NRCAM: variants seen among roughly 807,000 people sequenced by gnomAD.
NRCAM encodes neuronal cell adhesion molecule, also known as NgCAM-related cell adhesion molecule.
A neutral mutation model predicts 156.5 loss-of-function variants in NRCAM; 83 were observed. The observed-to-expected ratio is 0.53, with a 90% CI of 0.44 to 0.64. The LOEUF (loss-of-function observed/expected upper bound fraction) is 0.64, where lower values mean the gene tolerates loss of function less well. Among genes scored for constraint, NRCAM ranks in the 30% least tolerant of loss-of-function variants. NRCAM has a pLI of 0.00. For missense variants in NRCAM, 1,417 were observed against 1,597.3 expected, an observed-to-expected ratio of 0.89 and a Z score of 1.92; for synonymous variants, 538 against 563.9, an observed-to-expected ratio of 0.95 and a Z score of 0.65.
At chr7:108,271,425 C>T (rs1475422475) in intron 3 of NRCAM, among the ~76,000 whole-genome samples, 8 of 152,112 alleles carry the variant, frequency 5.3e-5, no homozygotes, top group Admixed American at 1.3e-4. Flanking sequence ...TGACCAGGCA[C>T]GGTGGCTCAC....
chr7:108,388,069 T>C (rs570018286), intron 2 of NRCAM, among the ~76,000 whole-genome samples: 1 of 152,322 alleles, frequency 6.6e-6, no homozygotes, highest in East Asian at 1.9e-4. Context: ...TTTGGGTATA[T>C]ACCCAGTAAT....
intron 2 of NRCAM, among the ~76,000 whole-genome samples, chr7:108,337,289 A>T (rs2099207174): frequency 6.7e-6 from 1 of 149,944 alleles, no homozygotes; most frequent in Admixed American, 6.6e-5. Flanking sequence ...AACCACGGCT[A>T]CCCTCTTTGG....
At chr7:108,450,911 A>G (rs961956058) in intron 1 of NRCAM, among the ~76,000 whole-genome samples, 2 of 152,220 alleles carry the variant, frequency 1.3e-5, no homozygotes, top group African/African-American at 4.8e-5. Flanking sequence ...TATAGATATT[A>G]ATTTACAGCT....
intron 2 of NRCAM, among the ~76,000 whole-genome samples, chr7:108,371,464 T>G (rs945856161): frequency 6.6e-6 from 1 of 152,136 alleles, no homozygotes; most frequent in Non-Finnish European, 1.5e-5. Flanking sequence ...GGGCATGCTA[T>G]TGTACGTAAA....
At position 108,194,194 on chromosome 7, in the gene NRCAM, T is replaced by A. The variant is rs745864640; in HGVS notation, c.1631-23A>T. 1.1e-5 allele frequency: 17 copies of A among 1,612,564 alleles called. No homozygotes were observed. The Admixed American group carries it at 1.5e-4, about 14-fold the overall frequency. ...GATCTGAAATGTAGAGTCATCGTTA[T>A]CCATTTGGCAAAGCTGGAGAATTTG... On this transcript the variant is annotated intron_variant, in intron 16 of 32. Coordinates refer to ENST00000379028, the MANE Select transcript of NRCAM (RefSeq NM_001037132.4).
At chr7:108,263,299 T>C (rs1017299424) in intron 3 of NRCAM, among the ~76,000 whole-genome samples, 1 of 152,254 alleles carries the variant, frequency 6.6e-6, no homozygotes, top group African/African-American at 2.4e-5. Flanking sequence ...CTAGTGTTTT[T>C]TCTTTTTGTG....
At chr7:108,247,424 T>C (rs1001174768) in intron 3 of NRCAM, among the ~76,000 whole-genome samples, 1 of 152,164 alleles carries the variant, frequency 6.6e-6, no homozygotes, top group Non-Finnish European at 1.5e-5. Flanking sequence ...AAAACTAATC[T>C]ATCCTTTTTG....
At chr7:108,202,580 A>T (rs1009368285) in intron 13 of NRCAM, among the ~76,000 whole-genome samples, 1 of 152,200 alleles carries the variant, frequency 6.6e-6, no homozygotes, top group African/African-American at 2.4e-5. Flanking sequence ...GAGAAGAGTT[A>T]AATTTCCCTC....
chr7:108,413,333 G>GA (rs1378497591), intron 1 of NRCAM, among the ~76,000 whole-genome samples: 1 of 152,112 alleles, frequency 6.6e-6, no homozygotes, highest in Non-Finnish European at 1.5e-5. Flanking sequence ...GTCTTCTTCT[G>GA]AAAAATGTCT....
chr7:108,358,882 G>GT (rs2099527868), intron 2 of NRCAM, among the ~76,000 whole-genome samples: 1 of 152,212 alleles, frequency 6.6e-6, no homozygotes, highest in Non-Finnish European at 1.5e-5. Flanking sequence ...TTAAAGGGCT[G>GT]TAGCAGGGGA....
chr7:108,403,687 T>G (rs1203188090), intron 1 of NRCAM, among the ~76,000 whole-genome samples: 1 of 152,170 alleles, frequency 6.6e-6, no homozygotes, highest in Non-Finnish European at 1.5e-5. Flanking sequence ...AATGAGGCCA[T>G]AGTTGAGATA....
intron 24 of NRCAM, 92 bp from the exon 25 acceptor site, chr7:108,180,519 A>AT: frequency 9.8e-7 from 1 of 1,015,230 alleles, no homozygotes; most frequent in Non-Finnish European, 1.5e-6. Context: ...TTTCCAGAAA[A>AT]TTCCGTTGGT....
chr7:108,177,143 A>G (rs6970980), intron 26 of NRCAM, among the ~76,000 whole-genome samples: 3,996 of 152,272 alleles, frequency 0.026, 170 homozygotes, highest in African/African-American at 0.091. Context: ...ACTTGAAGTT[A>G]TATGTATATA....
At chr7:108,325,470 C>T (rs1215795916) in intron 2 of NRCAM, among the ~76,000 whole-genome samples, 2 of 151,680 alleles carry the variant, frequency 1.3e-5, no homozygotes, top group African/African-American at 4.8e-5. Flanking sequence ...GAGTTCCAAT[C>T]TGTTGCTTCA....
intron 3 of NRCAM, among the ~76,000 whole-genome samples, chr7:108,299,139 A>AGAGAGAGAGAGAGAGAGAGAG (rs2098534169): frequency 9.2e-6 from 1 of 108,736 alleles, no homozygotes; most frequent in African/African-American, 3.5e-5. Context: ...AGAAAGAAAG[A>AGAGAGAGAGAGAGAGAGAGAG]AAAGAAAAGT....
intron 1 of NRCAM, among the ~76,000 whole-genome samples, chr7:108,448,140 C>G (rs1333656785): frequency 1.3e-5 from 2 of 152,174 alleles, no homozygotes; most frequent in African/African-American, 4.8e-5. Context: ...AACCCCAGCA[C>G]ATCTATTAAA....
intron 2 of NRCAM, among the ~76,000 whole-genome samples, chr7:108,330,140 C>T (rs2099111898): frequency 6.6e-6 from 1 of 152,136 alleles, no homozygotes; most frequent in Non-Finnish European, 1.5e-5. Context: ...TCATTTCTTT[C>T]AAGTGCATTT....
chr7:108,238,163 T>A (rs887069377), intron 4 of NRCAM, among the ~76,000 whole-genome samples: 6 of 152,336 alleles, frequency 3.9e-5, no homozygotes, highest in South Asian at 4.1e-4. Context: ...TCTGGTCATA[T>A]TATCCCAGAC....
chr7:108,330,477 T>C (rs997746928), intron 2 of NRCAM, among the ~76,000 whole-genome samples: 3 of 152,158 alleles, frequency 2.0e-5, no homozygotes, highest in Admixed American at 1.3e-4. Flanking sequence ...ACACGAAATG[T>C]TTCTGCAGGC....
Sources: allele counts gnomAD v4.1 joint callset (sites outside exome capture counted in the v4.1 genomes callset), GRCh38; gene constraint gnomAD v4.1.1; transcripts MANE v1.5; gene names NCBI Gene and HGNC (gene_info 2026-07-23, HGNC 2026-07-21).